PAK1: variants seen among roughly 807,000 people sequenced by gnomAD.
The protein encoded by PAK1 is serine/threonine-protein kinase PAK 1.
In PAK1, 29 loss-of-function variants were observed where a neutral mutation model predicts 67.4. The observed-to-expected ratio is 0.43, with a 90% CI of 0.32 to 0.59. PAK1 has a LOEUF of 0.59. PAK1 is among the 20% of genes least tolerant of loss of function. The probability of loss-of-function intolerance (pLI) is 0.07; values close to 1 mark genes in which losing one functional copy is unlikely to be tolerated. For synonymous variants in PAK1, 223 were observed against 237.4 expected (o/e 0.94, Z 0.56); for missense variants, 337 against 670.7 (o/e 0.50, Z 5.50).
the PAK1 span, among the ~76,000 whole-genome samples, chr11:77,512,703 T>C: frequency 6.6e-6 from 1 of 152,214 alleles, no homozygotes; most frequent in Non-Finnish European, 1.5e-5. Flanking sequence ...TGAGTACCTA[T>C]TATGTGTCAG....
intron 1 of PAK1, among the ~76,000 whole-genome samples, chr11:77,453,560 T>C (rs1452633504): frequency 2.0e-5 from 3 of 150,738 alleles, no homozygotes; most frequent in Middle Eastern, 3.5e-3. Flanking sequence ...GTATTACAAA[T>C]TTTAATTACC....
chr11:77,450,029 T>C (rs944813095), intron 1 of PAK1, among the ~76,000 whole-genome samples: 1 of 152,208 alleles, frequency 6.6e-6, no homozygotes, highest in Non-Finnish European at 1.5e-5. Context: ...TCCTTTCATC[T>C]AAACTTCAGA....
intron 2 of PAK1, among the ~76,000 whole-genome samples, chr11:77,389,358 C>T (rs906545218): frequency 8.5e-5 from 13 of 152,138 alleles, no homozygotes; most frequent in South Asian, 8.3e-4. Flanking sequence ...GTTGTTTCTG[C>T]TTTTTGGCTA....
chr11:77,364,622 C>G (rs1340472472), intron 5 of PAK1, among the ~76,000 whole-genome samples: 1 of 151,916 alleles, frequency 6.6e-6, no homozygotes, highest in African/African-American at 2.4e-5. Flanking sequence ...AGAATATTAT[C>G]TAAATATTGA....
chr11:77,483,508 A>G, the PAK1 span, among the ~76,000 whole-genome samples: 1 of 152,372 alleles, frequency 6.6e-6, no homozygotes, highest in East Asian at 1.9e-4. Context: ...AGGAAAATCT[A>G]TAAAGACAGA....
the PAK1 span, among the ~76,000 whole-genome samples, chr11:77,497,151 C>T: frequency 7.9e-5 from 12 of 152,186 alleles, no homozygotes; most frequent in Admixed American, 7.9e-4. Flanking sequence ...AGGAACTGGG[C>T]GAACATCTCC....
intron 1 of PAK1, among the ~76,000 whole-genome samples, chr11:77,395,484 T>C (rs1193386527): frequency 6.6e-6 from 1 of 152,180 alleles, no homozygotes; most frequent in East Asian, 1.9e-4. Flanking sequence ...CTATCTGACA[T>C]CAACCTGCCT....
intron 1 of PAK1, among the ~76,000 whole-genome samples, chr11:77,397,478 TC>T (rs1951984823): frequency 6.6e-6 from 1 of 152,176 alleles, no homozygotes; most frequent in Non-Finnish European, 1.5e-5. Context: ...CTATGCAGTC[TC>T]TAGACTTAAT....
At chr11:77,374,489 G>T in intron 4 of PAK1, 124 bp from the exon 5 acceptor site, 1 of 680,174 alleles carries the variant, frequency 1.5e-6, no homozygotes, top group Non-Finnish European at 2.6e-6. Flanking sequence ...AGTATGACTG[G>T]TACTACAGGC....
intron 1 of PAK1, among the ~76,000 whole-genome samples, chr11:77,452,156 AT>A (rs1307823321): frequency 6.6e-6 from 1 of 152,144 alleles, no homozygotes; most frequent in Non-Finnish European, 1.5e-5. Flanking sequence ...TCTTCATTTC[AT>A]TTTTTCCCCT....
At chr11:77,525,998 C>T in the PAK1 span, among the ~76,000 whole-genome samples, 3 of 152,134 alleles carry the variant, frequency 2.0e-5, no homozygotes, top group Non-Finnish European at 4.4e-5. Context: ...GTTTTATTCC[C>T]CTGCTTTCTT....
rs1184859409 is a variant in PAK1 at position 77,426,326 on chromosome 11, C to G, written c.-21-33785G>C. Among the ~76,000 whole-genome samples the G allele has an allele frequency of 3.3e-5, 5 of 152,190 alleles. No individual in the cohort carries two copies. The East Asian group carries it at 7.7e-4, about 24-fold the overall frequency. Reference sequence around the variant, plus strand: ...CTTTAGTGTGAAATTATGGCATATACTAAGCCAGGGACAATGCTTAGGTTG... The same window carrying G: ...CTTTAGTGTGAAATTATGGCATATAGTAAGCCAGGGACAATGCTTAGGTTG... On this transcript the variant is annotated intron_variant, in intron 1 of 14. Transcript: ENST00000356341.
intron 1 of PAK1, among the ~76,000 whole-genome samples, chr11:77,454,850 T>A (rs561780431): frequency 2.6e-4 from 40 of 152,332 alleles, no homozygotes; most frequent in African/African-American, 9.4e-4. Context: ...GATTTAGGTT[T>A]ACTCAATCAG....
chr11:77,411,488 GC>G (rs1177896562), intron 1 of PAK1, among the ~76,000 whole-genome samples: 1 of 151,856 alleles, frequency 6.6e-6, no homozygotes, highest in Middle Eastern at 3.4e-3. Context: ...AAGGGCGCTT[GC>G]AAAGGAGCAG....
At chr11:77,493,272 G>GT in the PAK1 span, among the ~76,000 whole-genome samples, 1 of 92,632 alleles carries the variant, frequency 1.1e-5, no homozygotes, top group Non-Finnish European at 2.2e-5. Flanking sequence ...TCATTTTTTT[G>GT]TTGTTTTTTT....
At chr11:77,474,434 C>G (rs11237199), upstream of PAK1, 38,321 of 152,128 alleles carry the variant, frequency 0.25, 5,987 homozygotes, top group South Asian at 0.46. Context: ...TGTTCTCGGT[C>G]CGCTGTCCGT....
At chr11:77,489,789 C>T in the PAK1 span, among the ~76,000 whole-genome samples, 3 of 151,936 alleles carry the variant, frequency 2.0e-5, no homozygotes, top group Admixed American at 6.5e-5. Context: ...GGCGTGATCT[C>T]GGCTCGCTAC....
At chr11:77,423,443 C>CA (rs1955391327) in intron 1 of PAK1, among the ~76,000 whole-genome samples, 38 of 124,514 alleles carry the variant, frequency 3.1e-4, no homozygotes, top group Admixed American at 2.9e-3. Flanking sequence ...ACACACACAC[C>CA]CCTTAGGACA....
chr11:77,325,484 A>G, intron 14 of PAK1: 1 of 1,183,844 alleles, frequency 8.4e-7, no homozygotes, highest in Non-Finnish European at 1.2e-6. Flanking sequence ...AAAATATGGT[A>G]AAGATTCAAT....
Sources: gnomAD v4.1 joint callset for allele counts (sites outside exome capture counted in the v4.1 genomes callset) on GRCh38, gnomAD v4.1.1 for gene constraint, MANE v1.5 for transcripts, NCBI Gene and HGNC (gene_info 2026-07-23, HGNC 2026-07-21) for gene names.